Variants in MMS22L observed in about 807,000 individuals in gnomAD.
MMS22L encodes the protein protein MMS22-like.
MMS22L carries 74 observed loss-of-function variants against 159.1 expected under a neutral mutation model. The ratio of observed to expected loss-of-function variants is 0.47; its 90% CI spans 0.39 to 0.56. MMS22L has a LOEUF of 0.56. MMS22L is among the 20% of genes least tolerant of loss of function. The pLI is 0.00. For missense variants in MMS22L, 1,351 were observed against 1,422.1 expected (o/e 0.95, Z 0.80); for synonymous variants, 517 against 506.9 (o/e 1.02, Z -0.27).
chr6:97,175,895 A>C (rs180978038), intron 18 of MMS22L, among the ~76,000 whole-genome samples: 1 of 152,312 alleles, frequency 6.6e-6, no homozygotes, highest in East Asian at 1.9e-4. Flanking sequence ...AGTCTGAATA[A>C]CCATACTTTG....
chr6:97,160,115 C>T (rs1356603649), intron 22 of MMS22L, among the ~76,000 whole-genome samples: 1 of 151,398 alleles, frequency 6.6e-6, no homozygotes, highest in Non-Finnish European at 1.5e-5. Flanking sequence ...TATACAAATG[C>T]TTTTTAAAAA....
rs1486890321 is a variant in MMS22L, at chr6:97,229,314, G to C, written c.1619C>G (p.Ala540Gly). The C allele has an allele frequency of 6.2e-7, 1 of 1,613,878 alleles. No individual in the cohort carries two copies. The highest frequency in any genetic ancestry group is 1.3e-5 in the African/African-American group (1 of 74,908). The change falls in exon 14 of 25, where the codon GCT (alanine) becomes GGT (glycine). Residue 540 changes from alanine to glycine, a missense_variant. Ala to Gly is a moderately conservative substitution (Grantham distance 60, BLOSUM62 0). Coordinates refer to ENST00000683635, the MANE Select transcript of MMS22L (RefSeq NM_001350599.2). ...TGCAACATCTTCTACCTCTGCAACA[G>C]CTGCTAACAGTAGAAAAAGGCTAAA... ...NFFSLFLLLA[A>G]VAEVEDVASH...
Position 97,143,723 on chromosome 6 carries a change from A to T in MMS22L, c.*3083T>A, listed in dbSNP as rs17454434. 2.0e-5 allele frequency: 3 copies of T among 152,178 alleles called. No homozygotes were observed. Among genetic ancestry groups the T allele is most frequent in the Admixed American group, 6.5e-5 (1 of 15,272 alleles). The allele number at this position is 152,178 out of a possible 1,614,324, so 9.4% of individuals were successfully genotyped here. A position where few individuals can be genotyped will look rare whatever the true frequency, so the allele number is the denominator to read the frequency against. ...TTTCAAGGCTAAATAACTTAGGACA[A>T]TAGTGTATTCCCTGGGTAGAAAATG... On this transcript the variant is annotated 3_prime_UTR_variant, in exon 25 of 25. Coordinates refer to ENST00000683635, the MANE Select transcript of MMS22L (RefSeq NM_001350599.2).
intron 18 of MMS22L, among the ~76,000 whole-genome samples, chr6:97,174,505 G>C (rs965966259): frequency 1.2e-4 from 19 of 152,112 alleles, no homozygotes; most frequent in African/African-American, 3.9e-4. Context: ...TCAAGATTGT[G>C]AGAATGTTGG....
At chr6:97,225,253 CCT>C (rs1375433971) in intron 14 of MMS22L, among the ~76,000 whole-genome samples, 1 of 152,118 alleles carries the variant, frequency 6.6e-6, no homozygotes, top group Non-Finnish European at 1.5e-5. Context: ...GAAAAGAGTT[CCT>C]CTCTTTTTTG....
intron 11 of MMS22L, among the ~76,000 whole-genome samples, chr6:97,235,549 T>C (rs1407104207): frequency 6.6e-6 from 1 of 152,188 alleles, no homozygotes; most frequent in Non-Finnish European, 1.5e-5. Flanking sequence ...GCATTGCGGA[T>C]GCCAAGAGAA....
At position 97,170,737 on chromosome 6, in the gene MMS22L, C is replaced by T. The variant is rs151236141; in HGVS notation, c.2839+2326G>A. ...TAAGAACATTAAAAGCTGCGTACAG[C>T]GGCTCACACCTGTAATCCCAGCACT... On this transcript the variant is annotated intron_variant, in intron 19 of 24. Transcript: ENST00000683635. Among the ~76,000 whole-genome samples the T allele has an allele frequency of 3.5e-3, 528 of 152,136 alleles. 2 individuals are homozygous for T. Among genetic ancestry groups the T allele is most frequent in the African/African-American group, 0.012 (499 of 41,528 alleles).
chr6:97,153,364 C>CTTTTTTTTT (rs59258093), intron 22 of MMS22L, among the ~76,000 whole-genome samples: 1 of 78,110 alleles, frequency 1.3e-5, no homozygotes, highest in African/African-American at 5.5e-5. Context: ...CTCTACAGAT[C>CTTTTTTTTT]TTTTTTTTTT....
At chr6:97,176,753 C>T (rs1804163660) in intron 18 of MMS22L, among the ~76,000 whole-genome samples, 1 of 152,148 alleles carries the variant, frequency 6.6e-6, no homozygotes, top group South Asian at 2.1e-4. Flanking sequence ...TAAGCATATC[C>T]TGTGTAATTT....
At chr6:97,278,697 G>A in intron 4 of MMS22L, 152 bp downstream of exon 4, 3 of 551,810 alleles carry the variant, frequency 5.4e-6, no homozygotes, top group South Asian at 7.1e-5. Context: ...AATTTAAAAA[G>A]TCATACTTTT....
At chr6:97,273,133 A>G in intron 4 of MMS22L, 71 bp from the exon 5 acceptor site, 1 of 1,214,058 alleles carries the variant, frequency 8.2e-7, no homozygotes, top group Non-Finnish European at 1.2e-6. Flanking sequence ...AAATGTTGTA[A>G]GCCATACCGG....
intron 14 of MMS22L, among the ~76,000 whole-genome samples, chr6:97,204,332 C>T (rs745456531): frequency 2.0e-5 from 3 of 152,086 alleles, no homozygotes; most frequent in Non-Finnish European, 2.9e-5. Context: ...TATGAATCTT[C>T]AGAAAATTTA....
chr6:97,164,671 C>T (rs149754288), intron 21 of MMS22L, among the ~76,000 whole-genome samples: 1,761 of 152,024 alleles, frequency 0.012, 34 homozygotes, highest in African/African-American at 0.04. Context: ...GGCTATAGTA[C>T]AGTGGCACAA....
At position 97,253,386 on chromosome 6, in the gene MMS22L, C is replaced by G. The variant is rs1220028817; in HGVS notation, c.1119+1171G>C. ...CCCATACCTCGTAGAGGATGAGAAC[C>G]AAGGAACTTTTTAAAAATCAGGATT... On this transcript the variant is annotated intron_variant, in intron 10 of 24. Transcript: ENST00000683635. 2.0e-5 allele frequency: 3 copies of G among 151,904 alleles called. No individual in the cohort carries two copies. The East Asian group carries it at 5.8e-4, about 29-fold the overall frequency. The allele number at this position is 151,904 out of a possible 1,614,324, so 9.4% of individuals were successfully genotyped here.
intron 4 of MMS22L, among the ~76,000 whole-genome samples, chr6:97,277,679 C>T (rs1040566318): frequency 6.6e-6 from 1 of 152,080 alleles, no homozygotes; most frequent in African/African-American, 2.4e-5. Flanking sequence ...AAAATACCCA[C>T]TCTTCAAATT....
In MMS22L at chr6:97,229,063, G is replaced by A. The variant is rs1174334409; in HGVS notation, c.1870C>T (p.Leu624Phe). The change falls in exon 14 of 25, where the codon CTT becomes TTT. Residue 624 changes from leucine (L) to phenylalanine (F), a missense_variant. Physicochemically the swap from Leu to Phe is conservative, Grantham distance 22. Transcript: ENST00000683635. ...MVQRQTIWTLLSIYIDGVQEV... is the reference protein window; with the variant it reads ...MVQRQTIWTLFSIYIDGVQEV... ...TGAACACCATCAATGTATATGGAAA[G>A]AAGGGTCCAGATAGTCTGTCTCTGT... is the stretch of plus-strand genomic sequence containing the variant. The A allele has an allele frequency of 6.2e-7, 1 of 1,614,130 alleles. No homozygotes were observed. Among genetic ancestry groups the A allele is most frequent in the East Asian group, 2.2e-5 (1 of 44,868 alleles).
rs758002133 is a variant in MMS22L, at chr6:97,281,343, G to C, written c.184C>G (p.Pro62Ala). The C allele has an allele frequency of 4.4e-6, 7 of 1,602,564 alleles. No individual in the cohort carries two copies. The highest frequency in any genetic ancestry group is 6.0e-6 in the Non-Finnish European group (7 of 1,175,778). ...ALKRLILNLD[P>A]LPTNFEEDTL... ...TCTTCTTCAAAATTAGTTGGTAAAG[G>C]GTCAAGATTCAAAATCAATCTGAAA... Residue 62 changes from proline (P) to alanine (A), a missense_variant, in exon 3 of 25, where the codon CCT (proline) becomes GCT (alanine). Transcript: ENST00000683635.
chr6:97,256,833 GCTA>G (rs1185260361), intron 9 of MMS22L, among the ~76,000 whole-genome samples: 1 of 152,112 alleles, frequency 6.6e-6, no homozygotes, highest in African/African-American at 2.4e-5. Flanking sequence ...TGTACTCCCA[GCTA>G]CTAAGGAGTC....
At chr6:97,259,966 C>G (rs1037586373) in intron 9 of MMS22L, 1 of 152,130 alleles carries the variant, frequency 6.6e-6, no homozygotes, top group Non-Finnish European at 1.5e-5. Context: ...CCTTGGCTCA[C>G]ACTTTTTCAT....
Sources: gnomAD v4.1 joint callset for allele counts (sites outside exome capture counted in the v4.1 genomes callset) on GRCh38, gnomAD v4.1.1 for gene constraint, MANE v1.5 for transcripts, NCBI Gene and HGNC (gene_info 2026-07-23, HGNC 2026-07-21) for gene names.